TNFSF4: variants seen among roughly 807,000 people sequenced by gnomAD.
TNFSF4 encodes the protein tumor necrosis factor ligand superfamily member 4.
In TNFSF4, 4 loss-of-function variants were observed where a neutral mutation model predicts 7.3. That is an observed-to-expected ratio of 0.55 (90% CI 0.27 to 1.25). TNFSF4 has a LOEUF of 1.25. Ranked by LOEUF, TNFSF4 falls within the 50% of genes most tolerant of loss-of-function variation. The probability of loss-of-function intolerance (pLI) is 0.12; values close to 1 mark genes in which losing one functional copy is unlikely to be tolerated. For synonymous variants in TNFSF4, 76 were observed against 83.7 expected, an observed-to-expected ratio of 0.91 and a Z score of 0.50; for missense variants, 181 against 208.8, an observed-to-expected ratio of 0.87 and a Z score of 0.82.
At chr1:173,214,945 G>A in the TNFSF4 span, among the ~76,000 whole-genome samples, 1 of 152,100 alleles carries the variant, frequency 6.6e-6, no homozygotes, top group Non-Finnish European at 1.5e-5. Flanking sequence ...AACTGTACCA[G>A]ACCACTCAAT....
chr1:173,428,262 G>A, the TNFSF4 span, among the ~76,000 whole-genome samples: 1 of 152,160 alleles, frequency 6.6e-6, no homozygotes, highest in Non-Finnish European at 1.5e-5. Flanking sequence ...TAATCTTATG[G>A]GACTACCATC....
At chr1:173,424,008 G>C in the TNFSF4 span, among the ~76,000 whole-genome samples, 1 of 151,706 alleles carries the variant, frequency 6.6e-6, no homozygotes, top group South Asian at 2.1e-4. Flanking sequence ...GGGCAAAAAG[G>C]GGGGTGAATG....
chr1:173,243,934 T>A, the TNFSF4 span, among the ~76,000 whole-genome samples: 3 of 152,228 alleles, frequency 2.0e-5, no homozygotes, highest in Non-Finnish European at 4.4e-5. Flanking sequence ...CTAGGAAATG[T>A]GTATCTTGAT....
the TNFSF4 span, among the ~76,000 whole-genome samples, chr1:173,450,465 C>T: frequency 7.1e-3 from 1,086 of 151,902 alleles, 8 homozygotes; most frequent in African/African-American, 0.024. Flanking sequence ...AAAGACATTA[C>T]AATTAAGAAA....
the TNFSF4 span, among the ~76,000 whole-genome samples, chr1:173,394,908 T>TTAGA: frequency 3.4e-5 from 5 of 149,078 alleles, no homozygotes; most frequent in Admixed American, 6.7e-5. Context: ...TCTTTAATAT[T>TTAGA]TAGATAGATA....
At chr1:173,392,406 C>G in the TNFSF4 span, among the ~76,000 whole-genome samples, 3 of 152,190 alleles carry the variant, frequency 2.0e-5, no homozygotes, top group African/African-American at 7.2e-5. Flanking sequence ...AGCCCTATCC[C>G]TACCCCCAAA....
chr1:173,420,322 C>T, the TNFSF4 span, among the ~76,000 whole-genome samples: 1 of 152,192 alleles, frequency 6.6e-6, no homozygotes, highest in Admixed American at 6.5e-5. Context: ...TGGACTTCAC[C>T]ATTTTCTCTC....
At chr1:173,273,753 T>G in the TNFSF4 span, among the ~76,000 whole-genome samples, 3 of 152,094 alleles carry the variant, frequency 2.0e-5, no homozygotes, top group Admixed American at 2.0e-4. Context: ...TATATTCACA[T>G]GAAAAAGATC....
the TNFSF4 span, among the ~76,000 whole-genome samples, chr1:173,287,795 A>C: frequency 6.6e-6 from 1 of 152,234 alleles, no homozygotes; most frequent in Non-Finnish European, 1.5e-5. Context: ...TGAGCAAAAA[A>C]TACATATTTT....
At chr1:173,264,416 A>G in the TNFSF4 span, among the ~76,000 whole-genome samples, 3 of 150,816 alleles carry the variant, frequency 2.0e-5, no homozygotes, top group Non-Finnish European at 4.4e-5. Flanking sequence ...TGGCCTCCCA[A>G]AGTGTTGGGA....
downstream of TNFSF4, among the ~76,000 whole-genome samples, chr1:173,180,559 C>A (rs532218084): frequency 6.5e-4 from 99 of 152,208 alleles, no homozygotes; most frequent in African/African-American, 2.2e-3. Context: ...TTTAGACTTT[C>A]AAATGTCTGC....
chr1:173,433,989 T>A, the TNFSF4 span, among the ~76,000 whole-genome samples: 1 of 152,164 alleles, frequency 6.6e-6, no homozygotes, highest in African/African-American at 2.4e-5. Flanking sequence ...GAAGATGAGT[T>A]ATGCTGCCAC....
the TNFSF4 span, among the ~76,000 whole-genome samples, chr1:173,427,587 G>A: frequency 6.8e-4 from 103 of 152,256 alleles, no homozygotes; most frequent in Admixed American, 1.7e-3. Context: ...GTATGAAGTC[G>A]TTTTGACAGA....
At chr1:173,225,320 T>A in the TNFSF4 span, among the ~76,000 whole-genome samples, 1 of 152,182 alleles carries the variant, frequency 6.6e-6, no homozygotes, top group Non-Finnish European at 1.5e-5. Flanking sequence ...AATTCTCAAT[T>A]TTCATAGGTT....
the TNFSF4 span, among the ~76,000 whole-genome samples, chr1:173,277,516 G>A: frequency 6.6e-6 from 1 of 152,078 alleles, no homozygotes; most frequent in East Asian, 1.9e-4. Context: ...AATAGACACT[G>A]TCAACTCATA....
the TNFSF4 span, among the ~76,000 whole-genome samples, chr1:173,245,160 G>C: frequency 6.6e-6 from 1 of 151,912 alleles, no homozygotes; most frequent in Admixed American, 6.6e-5. Context: ...CTTTGATTTT[G>C]GCATATTCCA....
At chr1:173,188,012 A>G (rs996709199) in intron 2 of TNFSF4, among the ~76,000 whole-genome samples, 2 of 152,200 alleles carry the variant, frequency 1.3e-5, no homozygotes, top group Non-Finnish European at 2.9e-5. Flanking sequence ...GAACTTAACT[A>G]AAAAATGAAT....
chr1:173,290,787 A>G, the TNFSF4 span, among the ~76,000 whole-genome samples: 1 of 152,110 alleles, frequency 6.6e-6, no homozygotes, highest in Non-Finnish European at 1.5e-5. Context: ...ACATTCTTCT[A>G]ATCTGCACAT....
At chr1:173,333,279 G>A in the TNFSF4 span, among the ~76,000 whole-genome samples, 1 of 151,656 alleles carries the variant, frequency 6.6e-6, no homozygotes, top group Non-Finnish European at 1.5e-5. Flanking sequence ...AAAGCAAATT[G>A]CCCTCCCTAA....
Sources: gnomAD v4.1 joint callset for allele counts (sites outside exome capture counted in the v4.1 genomes callset) on GRCh38, gnomAD v4.1.1 for gene constraint, MANE v1.5 for transcripts, NCBI Gene and HGNC (gene_info 2026-07-23, HGNC 2026-07-21) for gene names.